The following SH3GL3 variants were observed in gnomAD, a reference collection of about 807,000 sequenced individuals.
The protein encoded by SH3GL3 is endophilin-A3.
Under a neutral mutation model 47.7 loss-of-function variants are expected in SH3GL3, and 33 were observed. The ratio of observed to expected loss-of-function variants is 0.69; its 90% CI spans 0.52 to 0.92. The LOEUF (loss-of-function observed/expected upper bound fraction) is 0.92. Among genes scored for constraint, SH3GL3 ranks in the 40% least tolerant of loss-of-function variants. The probability of loss-of-function intolerance (pLI) is 0.00; values close to 1 mark genes in which losing one functional copy is unlikely to be tolerated. For synonymous variants in SH3GL3, 155 were observed against 148.8 expected (o/e 1.04, Z -0.30); for missense variants, 363 against 417.8 (o/e 0.87, Z 1.14).
chr15:83,529,340 G>C (rs2043561133), intron 1 of SH3GL3, among the ~76,000 whole-genome samples: 1 of 152,198 alleles, frequency 6.6e-6, no homozygotes, highest in African/African-American at 2.4e-5. Flanking sequence ...GGCTGGATGA[G>C]TGGGCAGGTC....
chr15:83,571,061 T>G (rs547236606), intron 4 of SH3GL3, among the ~76,000 whole-genome samples: 5 of 152,290 alleles, frequency 3.3e-5, no homozygotes, highest in Non-Finnish European at 7.4e-5. Context: ...TTTCTGCTCT[T>G]CCAAGGAAGA....
chr15:83,590,091 T>TA, intron 8 of SH3GL3, among the ~76,000 whole-genome samples: 1 of 152,324 alleles, frequency 6.6e-6, no homozygotes, highest in Admixed American at 6.5e-5. Flanking sequence ...TCTGTTTATG[T>TA]CATTTATTTG....
At chr15:83,474,883 A>T (rs1230000715) in intron 1 of SH3GL3, among the ~76,000 whole-genome samples, 1 of 152,134 alleles carries the variant, frequency 6.6e-6, no homozygotes, top group East Asian at 1.9e-4. Flanking sequence ...TGGGCAGAGC[A>T]GCAGAAGGCA....
At chr15:83,625,428 C>A in the SH3GL3 span, among the ~76,000 whole-genome samples, 20 of 152,326 alleles carry the variant, frequency 1.3e-4, no homozygotes, top group South Asian at 3.3e-3. Context: ...TAGAGGGAAA[C>A]TATCAGCCAC....
chr15:83,615,957 A>G (rs2060800986), intron 8 of SH3GL3, among the ~76,000 whole-genome samples: 1 of 152,188 alleles, frequency 6.6e-6, no homozygotes, highest in Non-Finnish European at 1.5e-5. Context: ...AACCATGAAT[A>G]GAAAGTTTGA....
rs1760932005 is a variant in SH3GL3, at chr15:83,618,617, T to C, written c.*330T>C. On this transcript the variant is annotated 3_prime_UTR_variant, in exon 9 of 9. Transcript: ENST00000427482. ...CTCAGCTGCAATGAAATGGTAACAT[T>C]TGAAACTAAGAAATGCTAAATATTT... 1 of 261,688 alleles carries C rather than the reference T, an allele frequency of 3.8e-6. No homozygotes were observed. The highest frequency in any genetic ancestry group is 7.4e-6 in the Non-Finnish European group (1 of 135,474). The allele number at this position is 261,688 out of a possible 1,614,324, so 16.2% of individuals were successfully genotyped here. A position where few individuals can be genotyped will look rare whatever the true frequency, so the allele number is the denominator to read the frequency against.
At chr15:83,609,922 A>T (rs1435759165) in intron 8 of SH3GL3, among the ~76,000 whole-genome samples, 1 of 152,088 alleles carries the variant, frequency 6.6e-6, no homozygotes, top group Non-Finnish European at 1.5e-5. Flanking sequence ...TGCCATCTCT[A>T]CTCTGGTGTC....
intron 1 of SH3GL3, among the ~76,000 whole-genome samples, chr15:83,530,346 T>C (rs546457321): frequency 6.6e-6 from 1 of 152,238 alleles, no homozygotes; most frequent in African/African-American, 2.4e-5. Context: ...GAATGTGGAC[T>C]TCTTGGGATC....
downstream of SH3GL3, among the ~76,000 whole-genome samples, chr15:83,620,617 A>G (rs754215903): frequency 4.7e-4 from 72 of 152,366 alleles, no homozygotes; most frequent in Admixed American, 9.1e-4. Context: ...TTAGTAAGCC[A>G]TGCTATAAAC....
rs151051894 is a variant in SH3GL3, at chr15:83,559,297, C to T, written c.90C>T (p.Asp30=). 33 of 1,591,156 alleles carry T rather than the reference C, an allele frequency of 2.1e-5. No homozygotes were observed. Among genetic ancestry groups the T allele is most frequent in the Middle Eastern group, 1.7e-4 (1 of 6,024 alleles). The change falls in exon 2 of 9, where the codon GAC becomes GAT. Residue 30 remains aspartate (D), a synonymous_variant. Coordinates refer to ENST00000427482, the MANE Select transcript of SH3GL3 (RefSeq NM_003027.5). ...GTGGTGCTGAAGGAACTAAACTAGA[C>T]GATGAATTTCTTGACATGGAAAGGG... ...KISGAEGTKL[D]DEFLDMERKI...
intron 1 of SH3GL3, among the ~76,000 whole-genome samples, chr15:83,476,624 G>T (rs879378033): frequency 6.6e-6 from 1 of 152,012 alleles, no homozygotes; most frequent in African/African-American, 2.4e-5. Context: ...TTTAAAACAT[G>T]TGATAATTAC....
chr15:83,557,541 C>T (rs967276674), intron 1 of SH3GL3, among the ~76,000 whole-genome samples: 9 of 152,194 alleles, frequency 5.9e-5, no homozygotes, highest in African/African-American at 2.2e-4. Flanking sequence ...CTCCTGTTCC[C>T]ATGCCTCAGC....
chr15:83,618,197 A>C lies in SH3GL3; in HGVS notation c.954A>C (p.Ile318=). The change falls in exon 9 of 9, where the codon ATA becomes ATC. Residue 318 remains isoleucine, a synonymous_variant. Transcript: ENST00000427482. ...ACATCATTACATTAACCAATCAAAT[A>C]GATGAAAACTGGTATGAAGGAATGA... The part of the protein sequence containing the change: ...EGDIITLTNQ[I]DENWYEGMIH... 6.2e-7 allele frequency: 1 copy of C among 1,609,778 alleles called. No individual in the cohort carries two copies. Among genetic ancestry groups the C allele is most frequent in the Non-Finnish European group, 8.5e-7 (1 of 1,175,932 alleles).
chr15:83,545,973 C>T (rs1165976118), intron 1 of SH3GL3, among the ~76,000 whole-genome samples: 1 of 152,210 alleles, frequency 6.6e-6, no homozygotes, highest in Non-Finnish European at 1.5e-5. Flanking sequence ...TGTGCTGTGT[C>T]ACACCTGAAG....
At chr15:83,563,993 T>C (rs530768217) in intron 2 of SH3GL3, among the ~76,000 whole-genome samples, 1 of 152,314 alleles carries the variant, frequency 6.6e-6, no homozygotes, top group South Asian at 2.1e-4. Flanking sequence ...GCCACTTTTG[T>C]CAAACTTCAC....
At chr15:83,459,509 C>T (rs535447652) in intron 1 of SH3GL3, among the ~76,000 whole-genome samples, 3 of 152,112 alleles carry the variant, frequency 2.0e-5, no homozygotes, top group African/African-American at 7.2e-5. Flanking sequence ...AGAATTTAGC[C>T]CTGGTTTCAG....
intron 1 of SH3GL3, among the ~76,000 whole-genome samples, chr15:83,495,087 G>C (rs1346408996): frequency 6.6e-6 from 1 of 152,162 alleles, no homozygotes; most frequent in Non-Finnish European, 1.5e-5. Flanking sequence ...TCCTGGTCTT[G>C]CTGTGGTCCC....
At chr15:83,587,525 T>TTAA (rs776787700) in intron 7 of SH3GL3, among the ~76,000 whole-genome samples, 1 of 105,032 alleles carries the variant, frequency 9.5e-6, no homozygotes, top group Non-Finnish European at 1.9e-5. Flanking sequence ...TAAATATCTG[T>TTAA]AAAAAAAAAA....
chr15:83,551,638 C>T (rs2044674520), intron 1 of SH3GL3, among the ~76,000 whole-genome samples: 1 of 152,154 alleles, frequency 6.6e-6, no homozygotes, highest in South Asian at 2.1e-4. Flanking sequence ...TATCACTCAC[C>T]TTTCTAAAAG....
Sources: gnomAD v4.1 joint callset for allele counts (sites outside exome capture counted in the v4.1 genomes callset) on GRCh38, gnomAD v4.1.1 for gene constraint, MANE v1.5 for transcripts, NCBI Gene and HGNC (gene_info 2026-07-23, HGNC 2026-07-21) for gene names.